The following CIRSR variants were observed in gnomAD, a reference collection of about 807,000 sequenced individuals.
CIRSR encodes the protein corepressor of RBPJ and splicing regulator.
chr2:174,366,800 C>A, the CIRSR span, among the ~76,000 whole-genome samples: 10 of 152,092 alleles, frequency 6.6e-5, no homozygotes, highest in Non-Finnish European at 1.2e-4. Context: ...AGTTGTAGAA[C>A]AGGAATTGGG....
the CIRSR span, among the ~76,000 whole-genome samples, chr2:174,373,828 C>G: frequency 4.7e-5 from 7 of 147,762 alleles, no homozygotes; most frequent in Admixed American, 1.3e-4. Context: ...TACTATCCCC[C>G]TGTGTGTGTG....
the CIRSR span, among the ~76,000 whole-genome samples, chr2:174,383,546 T>C: frequency 6.6e-6 from 1 of 151,094 alleles, no homozygotes; most frequent in East Asian, 1.9e-4. Flanking sequence ...ATGGTGAAAC[T>C]CCGTCTCTAC....
the CIRSR span, among the ~76,000 whole-genome samples, chr2:174,355,611 T>C: frequency 1.3e-5 from 2 of 152,090 alleles, no homozygotes; most frequent in South Asian, 4.1e-4. Flanking sequence ...ACTAGAAAAA[T>C]ACCATGAAAT....
the CIRSR span, among the ~76,000 whole-genome samples, chr2:174,357,486 T>G: frequency 1.3e-5 from 2 of 152,334 alleles, no homozygotes; most frequent in East Asian, 3.9e-4. Flanking sequence ...GCAGTCAAAC[T>G]AACAGTAATA....
chr2:174,372,920 T>C, the CIRSR span, among the ~76,000 whole-genome samples: 1 of 152,206 alleles, frequency 6.6e-6, no homozygotes, highest in East Asian at 1.9e-4. Context: ...CCTTTGTGAC[T>C]GAATGTTTGA....
the CIRSR span, chr2:174,378,637 G>C: frequency 5.7e-6 from 2 of 352,304 alleles, no homozygotes; most frequent in South Asian, 5.7e-5. Context: ...CCATTTTTAG[G>C]CTACTAGCCT....
chr2:174,364,990 T>C, the CIRSR span, among the ~76,000 whole-genome samples: 795 of 152,300 alleles, frequency 5.2e-3, 21 homozygotes, highest in East Asian at 0.073. Flanking sequence ...CCTCAGAAAT[T>C]GGGATTTTCT....
chr2:174,387,834 C>T, the CIRSR span: 2 of 1,438,480 alleles, frequency 1.4e-6, no homozygotes, highest in African/African-American at 2.9e-5. Context: ...ATTAAACAAA[C>T]TTTGCTTTTC....
At chr2:174,356,531 A>AAAGGAAGGAAGGAAGGAAGGACGG in the CIRSR span, among the ~76,000 whole-genome samples, 8 of 133,662 alleles carry the variant, frequency 6.0e-5, no homozygotes, top group East Asian at 1.5e-3. Context: ...AAGAAAGAAG[A>AAAGGAAGGAAGGAAGGAAGGACGG]AAGGAAGGAA....
At chr2:174,364,798 A>C in the CIRSR span, among the ~76,000 whole-genome samples, 8 of 152,200 alleles carry the variant, frequency 5.3e-5, no homozygotes, top group Non-Finnish European at 2.9e-5. Flanking sequence ...GGCTGCACAC[A>C]GCACAGAACC....
At chr2:174,350,662 G>GAGAAGTTTCGGTAATTT in the CIRSR span, 5 of 1,584,930 alleles carry the variant, frequency 3.2e-6, no homozygotes, top group Non-Finnish European at 8.6e-7. Flanking sequence ...TAAATTACCT[G>GAGAAGTTTCGGTAATTT]AGAAGTTTCT....
At chr2:174,355,233 T>G in the CIRSR span, among the ~76,000 whole-genome samples, 421 of 152,304 alleles carry the variant, frequency 2.8e-3, 2 homozygotes, top group Non-Finnish European at 5.2e-3. Flanking sequence ...TAAAATAGAT[T>G]ACACAAATAT....
chr2:174,395,538 T>G, the CIRSR span: 1 of 1,613,586 alleles, frequency 6.2e-7, no homozygotes, highest in Non-Finnish European at 8.5e-7. Context: ...CCTCCCCGGG[T>G]CTGTTTACTC....
chr2:174,353,690 A>T, the CIRSR span, among the ~76,000 whole-genome samples: 1 of 152,006 alleles, frequency 6.6e-6, no homozygotes, highest in South Asian at 2.1e-4. Flanking sequence ...CTGGTCTCAA[A>T]CTCCTGACCT....
chr2:174,384,166 A>G, the CIRSR span, among the ~76,000 whole-genome samples: 1 of 152,262 alleles, frequency 6.6e-6, no homozygotes, highest in Non-Finnish European at 1.5e-5. Flanking sequence ...TGGTATGTAC[A>G]TACAAAAGAG....
the CIRSR span, among the ~76,000 whole-genome samples, chr2:174,352,194 G>A: frequency 7.1e-6 from 1 of 140,600 alleles, no homozygotes; most frequent in Non-Finnish European, 1.5e-5. Context: ...ACATTGCCAA[G>A]TGGTTGCTAA....
chr2:174,351,653 A>G, the CIRSR span: 5 of 1,613,852 alleles, frequency 3.1e-6, no homozygotes, highest in African/African-American at 6.7e-5. Context: ...GTTTCTCCCC[A>G]GTACATTTCG....
the CIRSR span, among the ~76,000 whole-genome samples, chr2:174,356,526 A>AGGAAG: frequency 0.34 from 44,451 of 132,688 alleles, 8,105 homozygotes; most frequent in Non-Finnish European, 0.42. Flanking sequence ...AAAGAAAGAA[A>AGGAAG]GAAGAAAGGA....
chr2:174,362,779 G>A, the CIRSR span, among the ~76,000 whole-genome samples: 1 of 151,356 alleles, frequency 6.6e-6, no homozygotes, highest in Non-Finnish European at 1.5e-5. Context: ...TGGAGAGATA[G>A]GTAATACAGA....
Sources: allele counts gnomAD v4.1 joint callset (sites outside exome capture counted in the v4.1 genomes callset), GRCh38; gene constraint gnomAD v4.1.1; transcripts MANE v1.5; gene names NCBI Gene and HGNC (gene_info 2026-07-23, HGNC 2026-07-21).